CLTC: variants seen among roughly 807,000 people sequenced by gnomAD.
CLTC encodes clathrin heavy chain 1.
CLTC carries 16 observed loss-of-function variants against 195.8 expected under a neutral mutation model. The observed-to-expected ratio is 0.08, with a 90% CI of 0.06 to 0.12. The LOEUF (loss-of-function observed/expected upper bound fraction) is 0.12. Ranked by LOEUF, CLTC falls within the 10% of genes least tolerant of loss-of-function variation. The pLI, the probability that CLTC is intolerant of heterozygous loss-of-function variation, is 1.00. For synonymous variants in CLTC, 667 were observed against 689.4 expected (o/e 0.97, Z 0.51); for missense variants, 796 against 2,027.0 (o/e 0.39, Z 11.66).
intron 1 of CLTC, among the ~76,000 whole-genome samples, chr17:59,642,527 T>C (rs1391330366): frequency 6.6e-6 from 1 of 152,188 alleles, no homozygotes; most frequent in Non-Finnish European, 1.5e-5. Flanking sequence ...AGGATAATTA[T>C]CAATTAAACT....
rs1342798634 is a variant in CLTC at position 59,685,298 on chromosome 17, T to C, written c.4605+72T>C. 11 of 1,374,396 alleles carry C rather than the reference T, an allele frequency of 8.0e-6. No individual in the cohort carries two copies. The highest frequency in any genetic ancestry group is 1.5e-5 in the African/African-American group (1 of 68,044). The allele number at this position is 1,374,396 out of a possible 1,614,324, so 85.1% of individuals were successfully genotyped here. On this transcript the variant is annotated intron_variant, in intron 29 of 31. Coordinates refer to ENST00000269122, the MANE Select transcript of CLTC (RefSeq NM_004859.4). This position sits in a 1 kb window ranked among gnomAD's most constrained non-coding sequence, Gnocchi z 5.0. Reference sequence around the variant, plus strand: ...TGGTGTTACAAGTGATTATAATCTATAAATAAAAGTATTGGTTTTGTGAAT... The same window carrying C: ...TGGTGTTACAAGTGATTATAATCTACAAATAAAAGTATTGGTTTTGTGAAT...
At chr17:59,692,306 T>C (rs1252790474) in intron 31 of CLTC, among the ~76,000 whole-genome samples, 1 of 122,236 alleles carries the variant, frequency 8.2e-6, no homozygotes, top group East Asian at 2.5e-4. Context: ...AGAGCGAGAC[T>C]CCGTCTCAAA....
At chr17:59,684,328 A>G in intron 28 of CLTC, 1 of 207,128 alleles carries the variant, frequency 4.8e-6, no homozygotes, top group Non-Finnish European at 9.8e-6. Context: ...TTTCTTGCCT[A>G]CTGTTTTATT....
Position 59,681,365 on chromosome 17 carries a change from C to A in CLTC, c.3136C>A (p.Arg1046Ser). The change falls in exon 20 of 32, where the codon CGC becomes AGC. Residue 1046 changes from arginine to serine, a missense_variant. By Grantham distance (110) the Arg-to-Ser change is moderately radical. Transcript: ENST00000269122. This position sits in a 1 kb window ranked among gnomAD's most constrained non-coding sequence, Gnocchi z 5.0. ...DRTRVMEYIN[R>S]LDNYDAPDIA... ...TACACGTGTTATGGAGTATATTAACCGCCTGGATAATTATGATGCCCCAGA... is the reference window on the plus strand; with the variant it reads ...TACACGTGTTATGGAGTATATTAACAGCCTGGATAATTATGATGCCCCAGA... 1 of 1,613,970 alleles carries A rather than the reference C, an allele frequency of 6.2e-7. No individual in the cohort carries two copies. Among genetic ancestry groups the A allele is most frequent in the Non-Finnish European group, 8.5e-7 (1 of 1,179,962 alleles).
chr17:59,656,666 ATTT>A (rs55669818), intron 6 of CLTC, among the ~76,000 whole-genome samples: 4 of 96,218 alleles, frequency 4.2e-5, no homozygotes, highest in African/African-American at 1.0e-4. Flanking sequence ...TATTATTTTA[ATTT>A]TTTTTTTTTT....
intron 30 of CLTC, chr17:59,687,216 G>A (rs2033203875): frequency 1.3e-5 from 2 of 156,302 alleles, no homozygotes; most frequent in Non-Finnish European, 1.4e-5. Context: ...GCTACTAATC[G>A]GCTAATAGGC....
chr17:59,653,768 C>T (rs1021841263), intron 5 of CLTC, among the ~76,000 whole-genome samples: 1 of 151,776 alleles, frequency 6.6e-6, no homozygotes, highest in African/African-American at 2.4e-5. Context: ...ACTGTGTTGC[C>T]CTGGCTGGTC....
In CLTC at chr17:59,676,007, T is replaced by C. The variant is rs573779079; in HGVS notation, c.2562-947T>C. ...TTGATATAGCCAAAATAACGAATAA[T>C]GCTTTTTCTCTGGCTGCTTTTAATG... On this transcript the variant is annotated intron_variant, in intron 16 of 31. Transcript: ENST00000269122. 5.3e-5 allele frequency among the ~76,000 whole-genome samples: 8 copies of C among 152,340 alleles called. No individual in the cohort carries two copies. In the South Asian group the frequency reaches 1.7e-3, roughly 32 times the overall value.
Position 59,685,274 on chromosome 17 carries a change from G to A in CLTC, c.4605+48G>A. ...GGCTGTTTTAAACCAGGCCTAAAATGGTGTTACAAGTGATTATAATCTATA... is the reference window on the plus strand; with the variant it reads ...GGCTGTTTTAAACCAGGCCTAAAATAGTGTTACAAGTGATTATAATCTATA... On this transcript the variant is annotated intron_variant, in intron 29 of 31. Transcript: ENST00000269122. The surrounding 1 kb of genome is among the most constrained non-coding windows in gnomAD (Gnocchi z 5.0). The A allele has an allele frequency of 4.7e-6, 7 of 1,486,494 alleles. No individual in the cohort carries two copies. Among genetic ancestry groups the A allele is most frequent in the Non-Finnish European group, 5.5e-6 (6 of 1,100,766 alleles). The allele number at this position is 1,486,494 out of a possible 1,614,324, so 92.1% of individuals were successfully genotyped here. A position where few individuals can be genotyped will look rare whatever the true frequency, so the allele number is the denominator to read the frequency against.
intron 2 of CLTC, 28 bp from the exon 3 acceptor site, chr17:59,647,370 G>C: frequency 6.4e-7 from 1 of 1,569,570 alleles, no homozygotes; most frequent in Non-Finnish European, 8.7e-7. Flanking sequence ...CTCTTTTAAT[G>C]ATTTATAATT....
chr17:59,634,471 G>A lies in CLTC; in HGVS notation c.43-9805G>A, dbSNP rs375093793. On this transcript the variant is annotated intron_variant, in intron 1 of 31. Coordinates refer to ENST00000269122, the MANE Select transcript of CLTC (RefSeq NM_004859.4). ...TTTTTAAGAATGCATTAAATATAAAGTTTTTGAAAATTTCCAATCAGCAGT... is the reference window on the plus strand; with the variant it reads ...TTTTTAAGAATGCATTAAATATAAAATTTTTGAAAATTTCCAATCAGCAGT... 9.9e-5 allele frequency among the ~76,000 whole-genome samples: 15 copies of A among 152,236 alleles called. No individual in the cohort carries two copies. The South Asian group carries it at 3.1e-3, about 32-fold the overall frequency.
chr17:59,676,080 C>T (rs1331133757), intron 16 of CLTC, among the ~76,000 whole-genome samples: 3 of 152,104 alleles, frequency 2.0e-5, no homozygotes, highest in African/African-American at 4.8e-5. Context: ...GTGGCTTGTG[C>T]CTGTAGTCCC....
At chr17:59,655,782 A>G (rs1567949684) in intron 5 of CLTC, 72 bp from the exon 6 acceptor site, 17 of 1,267,976 alleles carry the variant, frequency 1.3e-5, no homozygotes, top group Middle Eastern at 2.2e-4. Context: ...CTAAAATGGA[A>G]TTAGACTGAA....
At chr17:59,626,163 T>G (rs1293131148) in intron 1 of CLTC, among the ~76,000 whole-genome samples, 24 of 152,198 alleles carry the variant, frequency 1.6e-4, no homozygotes, top group Non-Finnish European at 4.4e-5. Context: ...GTAAACAAGA[T>G]GGACTACACC....
intron 1 of CLTC, among the ~76,000 whole-genome samples, chr17:59,638,239 G>T (rs115706772): frequency 0.014 from 2,160 of 152,158 alleles, 43 homozygotes; most frequent in African/African-American, 0.049. Context: ...TAAGGATACA[G>T]TGAGCTGTGA....
chr17:59,679,358 A>G (rs762758674), intron 17 of CLTC, 39 bp from the exon 18 acceptor site: 1 of 1,549,296 alleles, frequency 6.5e-7, no homozygotes, highest in Non-Finnish European at 8.8e-7. Flanking sequence ...AAAGTCCTTT[A>G]CTTTTTACCT....
chr17:59,667,107 G>GTT (rs746147385), intron 13 of CLTC, 130 bp downstream of exon 13: 1 of 651,954 alleles, frequency 1.5e-6, no homozygotes, highest in Non-Finnish European at 2.5e-6. Context: ...AATTTTTTAA[G>GTT]TTTTATTCAA....
In CLTC at chr17:59,683,964, T is replaced by C; in HGVS notation, c.4413T>C (p.Phe1471=). ...KSVNESLNNL[F]ITEEDYQALR... ...TGAATGAATCATTGAACAATCTTTTTATTACAGAAGAAGATTATCAGGTAA... is the reference window on the plus strand; with the variant it reads ...TGAATGAATCATTGAACAATCTTTTCATTACAGAAGAAGATTATCAGGTAA... The change falls in exon 28 of 32, where the codon TTT becomes TTC. Residue 1471 remains phenylalanine (F), a synonymous_variant. Transcript: ENST00000269122. This position sits in a 1 kb window ranked among gnomAD's most constrained non-coding sequence, Gnocchi z 6.1. The C allele has an allele frequency of 6.2e-7, 1 of 1,601,006 alleles. No homozygotes were observed. Among genetic ancestry groups the C allele is most frequent in the Non-Finnish European group, 8.6e-7 (1 of 1,168,178 alleles).
chr17:59,684,799 T>G (rs1598243638), intron 28 of CLTC, among the ~76,000 whole-genome samples: 2 of 71,252 alleles, frequency 2.8e-5, no homozygotes, highest in Non-Finnish European at 5.6e-5. Context: ...AGAGGGAGAC[T>G]CCATCTCAAA....
Sources: allele counts gnomAD v4.1 joint callset (sites outside exome capture counted in the v4.1 genomes callset), GRCh38; gene constraint gnomAD v4.1.1; non-coding constraint Gnocchi (gnomAD v3.1); transcripts MANE v1.5; gene names NCBI Gene and HGNC (gene_info 2026-07-23, HGNC 2026-07-21).